The following UNC5C variants were observed in gnomAD, a reference collection of about 807,000 sequenced individuals.
UNC5C encodes unc-5 netrin receptor C.
Under a neutral mutation model 99.8 loss-of-function variants are expected in UNC5C, and 47 were observed. That is an observed-to-expected ratio of 0.47 (90% CI 0.37 to 0.60). The LOEUF is 0.60. UNC5C is among the 20% of genes least tolerant of loss of function. The pLI is 0.00. For synonymous variants in UNC5C, 487 were observed against 452.2 expected (o/e 1.08, Z -0.98); for missense variants, 1,062 against 1,165.9 (o/e 0.91, Z 1.30).
intron 1 of UNC5C, among the ~76,000 whole-genome samples, chr4:95,340,620 G>A (rs1278786868): frequency 1.3e-5 from 2 of 152,098 alleles, no homozygotes; most frequent in African/African-American, 4.8e-5. Context: ...TAAATGTATT[G>A]CACAACTTGG....
At chr4:95,171,725 A>G (rs1316397116) in intron 14 of UNC5C, among the ~76,000 whole-genome samples, 1 of 151,590 alleles carries the variant, frequency 6.6e-6, no homozygotes, top group African/African-American at 2.4e-5. Flanking sequence ...TTATAGCAGC[A>G]TGATTTATAG....
Position 95,326,033 on chromosome 4 carries a change from G to A in UNC5C, c.346+9377C>T, listed in dbSNP as rs534280237. On this transcript the variant is annotated intron_variant, in intron 2 of 15. Transcript: ENST00000453304. ...AAAGGTTTTGGAAGCAGAGAGCTCT[G>A]GGTTCATATCCTGGCTGTGTCACTT... is the stretch of plus-strand genomic sequence containing the variant. Among the ~76,000 whole-genome samples the A allele has an allele frequency of 2.0e-5, 3 of 152,226 alleles. No individual in the cohort carries two copies. The South Asian group carries it at 6.3e-4, about 32-fold the overall frequency.
chr4:95,308,665 T>C lies in UNC5C; in HGVS notation c.347-6916A>G, dbSNP rs1742148124. Reference sequence around the variant, plus strand: ...CTGCTTGGGAGGCTGAGGCAGAGAATTGCTTGAACCTGAGAGGTGGAGGTT... The same window carrying C: ...CTGCTTGGGAGGCTGAGGCAGAGAACTGCTTGAACCTGAGAGGTGGAGGTT... On this transcript the variant is annotated intron_variant, in intron 2 of 15. Transcript: ENST00000453304. 2.1e-5 allele frequency among the ~76,000 whole-genome samples: 3 copies of C among 139,616 alleles called. No homozygotes were observed. The South Asian group carries it at 6.6e-4, about 31-fold the overall frequency. The allele number at this position is 139,616 out of a possible 152,430, so 91.6% of individuals were successfully genotyped here. A position where few individuals can be genotyped will look rare whatever the true frequency, so the allele number is the denominator to read the frequency against.
chr4:95,199,994 A>G (rs1737590765), intron 12 of UNC5C, among the ~76,000 whole-genome samples: 1 of 152,234 alleles, frequency 6.6e-6, no homozygotes, highest in African/African-American at 2.4e-5. Context: ...CTTGACTATC[A>G]AAATTATATG....
intron 1 of UNC5C, among the ~76,000 whole-genome samples, chr4:95,401,875 T>G (rs1745710499): frequency 6.6e-6 from 1 of 152,174 alleles, no homozygotes; most frequent in Admixed American, 6.5e-5. Flanking sequence ...AATACAGATT[T>G]CTAATTGAAA....
At chr4:95,373,637 TAGCACA>T (rs1744809049) in intron 1 of UNC5C, among the ~76,000 whole-genome samples, 1 of 152,148 alleles carries the variant, frequency 6.6e-6, no homozygotes, top group Non-Finnish European at 1.5e-5. Flanking sequence ...TCCTCAGCAC[TAGCACA>T]GCAACTGGCA....
chr4:95,438,352 A>C (rs1289862986), intron 1 of UNC5C, among the ~76,000 whole-genome samples: 1 of 152,122 alleles, frequency 6.6e-6, no homozygotes, highest in East Asian at 1.9e-4. Context: ...GATTAGAAGA[A>C]TGAATTCTGG....
chr4:95,229,274 C>T (rs1738811153), intron 7 of UNC5C, among the ~76,000 whole-genome samples: 1 of 152,078 alleles, frequency 6.6e-6, no homozygotes, highest in Non-Finnish European at 1.5e-5. Context: ...CTATCCCTCC[C>T]CTAGCCCCCC....
chr4:95,199,128 G>C (rs1456664616), intron 12 of UNC5C, among the ~76,000 whole-genome samples: 1 of 152,108 alleles, frequency 6.6e-6, no homozygotes, highest in Non-Finnish European at 1.5e-5. Flanking sequence ...GAAGGAGAAG[G>C]AGGCCTTCAG....
At chr4:95,212,713 C>A (rs1313420556) in intron 10 of UNC5C, among the ~76,000 whole-genome samples, 1 of 152,210 alleles carries the variant, frequency 6.6e-6, no homozygotes, top group African/African-American at 2.4e-5. Flanking sequence ...AAACTGGAAT[C>A]TGTCCTCTCC....
intron 1 of UNC5C, among the ~76,000 whole-genome samples, chr4:95,426,353 T>G (rs544461559): frequency 6.6e-6 from 1 of 152,322 alleles, no homozygotes; most frequent in South Asian, 2.1e-4. Flanking sequence ...CAATGAGCCA[T>G]TCTCTCATCT....
rs17854093 is a variant in UNC5C, at chr4:95,250,606, G to C, written c.656C>G (p.Thr219Ser). 2 of 1,613,810 alleles carry C rather than the reference G, an allele frequency of 1.2e-6. No homozygotes were observed. Among genetic ancestry groups the C allele is most frequent in the African/African-American group, 2.7e-5 (2 of 74,832 alleles). Residue 219 changes from threonine (T) to serine (S), a missense_variant, in exon 5 of 16, where the codon ACT becomes AGT. Transcript: ENST00000453304. ...CTTTATGATGAGGTTGTGATCAATA[G>C]TAATATAAAAATTCCGATCTTCAAC... ...DPVEDRNFYI[T>S]IDHNLIIKQA...
intron 1 of UNC5C, among the ~76,000 whole-genome samples, chr4:95,398,065 C>CTTTTTTTTTTTTTTTTTTTTTTTTTTT (rs1479323772): frequency 2.2e-5 from 1 of 45,700 alleles, no homozygotes; most frequent in African/African-American, 1.1e-4. Context: ...TTTTTTTTTG[C>CTTTTTTTTTTTTTTTTTTTTTTTTTTT]TTATGTAAAA....
chr4:95,544,434 A>C (rs1357007410), intron 1 of UNC5C, among the ~76,000 whole-genome samples: 1 of 151,932 alleles, frequency 6.6e-6, no homozygotes, highest in Non-Finnish European at 1.5e-5. Context: ...AGAACCCCCC[A>C]CCCACCACTC....
chr4:95,400,038 A>G (rs920831371), intron 1 of UNC5C, among the ~76,000 whole-genome samples: 3 of 152,178 alleles, frequency 2.0e-5, no homozygotes, highest in Admixed American at 6.5e-5. Context: ...TGTTTCTGAC[A>G]TTGTTATAGA....
chr4:95,321,668 T>G (rs994800953), intron 2 of UNC5C, among the ~76,000 whole-genome samples: 1 of 152,220 alleles, frequency 6.6e-6, no homozygotes, highest in Admixed American at 6.5e-5. Flanking sequence ...TTTTAATGTT[T>G]GAATCTTCAT....
chr4:95,496,233 A>G (rs972840574), intron 1 of UNC5C, among the ~76,000 whole-genome samples: 2 of 151,830 alleles, frequency 1.3e-5, no homozygotes, highest in African/African-American at 2.4e-5. Context: ...TTCAAAAGAA[A>G]CATTTACTGA....
rs530815653 is a variant in UNC5C, at chr4:95,219,015, A to G, written c.1599T>C (p.Phe533=). 3.5e-5 allele frequency: 57 copies of G among 1,613,696 alleles called. 1 individual carries two copies. In the South Asian group the frequency reaches 6.3e-4, roughly 18 times the overall value. Reference sequence around the variant, plus strand: ...GACCTCCCAGCGAGTTGAAGCTGCCAAATGCGGTACAGGATGGATCAGTCT... The same window carrying G: ...GACCTCCCAGCGAGTTGAAGCTGCCGAATGCGGTACAGGATGGATCAGTCT... ...ARQTDPSCTA[F]GSFNSLGGHL... is the part of the protein sequence containing the mutation. The change falls in exon 9 of 16, where the codon TTT becomes TTC. Residue 533 remains phenylalanine (F), a synonymous_variant. Transcript: ENST00000453304.
chr4:95,420,989 C>A (rs760700216), intron 1 of UNC5C, among the ~76,000 whole-genome samples: 4 of 152,232 alleles, frequency 2.6e-5, no homozygotes, highest in African/African-American at 4.8e-5. Flanking sequence ...AAATTTGGGA[C>A]CTGTTCTCTA....
Sources: gnomAD v4.1 joint callset for allele counts (sites outside exome capture counted in the v4.1 genomes callset) on GRCh38, gnomAD v4.1.1 for gene constraint, MANE v1.5 for transcripts, NCBI Gene and HGNC (gene_info 2026-07-23, HGNC 2026-07-21) for gene names.